The following LEKR1 variants were observed in gnomAD, a reference collection of about 807,000 sequenced individuals.
LEKR1 encodes the protein protein LEKR1.
In LEKR1, 59 loss-of-function variants were observed where a neutral mutation model predicts 72.4. The ratio of observed to expected loss-of-function variants is 0.82; its 90% CI spans 0.66 to 1.01. The LOEUF is 1.01. Ranked by LOEUF, LEKR1 falls within the 50% of genes least tolerant of loss-of-function variation. The pLI is 0.00. For missense variants in LEKR1, 728 were observed against 759.2 expected (o/e 0.96, Z 0.48); for synonymous variants, 257 against 263.2 (o/e 0.98, Z 0.23).
chr3:157,006,054 G>A (rs1043607561), intron 9 of LEKR1, among the ~76,000 whole-genome samples: 2 of 150,626 alleles, frequency 1.3e-5, no homozygotes, highest in East Asian at 1.9e-4. Context: ...GCCGGACTGC[G>A]GACTGCAGTG....
chr3:156,867,216 G>A (rs1489097664), intron 3 of LEKR1, among the ~76,000 whole-genome samples: 1 of 152,058 alleles, frequency 6.6e-6, no homozygotes, highest in Non-Finnish European at 1.5e-5. Flanking sequence ...ATAATTCTCT[G>A]CTGAGATAGC....
chr3:156,957,767 A>T (rs1378206534), intron 6 of LEKR1, among the ~76,000 whole-genome samples: 1 of 151,868 alleles, frequency 6.6e-6, no homozygotes, highest in African/African-American at 2.4e-5. Flanking sequence ...AGCTATTTTT[A>T]TTTATTTATT....
At chr3:156,835,353 G>A (rs1712964765) in intron 2 of LEKR1, among the ~76,000 whole-genome samples, 1 of 152,210 alleles carries the variant, frequency 6.6e-6, no homozygotes, top group African/African-American at 2.4e-5. Context: ...GCTTCAGGGT[G>A]GAGCCCTTCA....
chr3:156,893,665 G>A (rs1720891006), intron 3 of LEKR1, among the ~76,000 whole-genome samples: 1 of 152,104 alleles, frequency 6.6e-6, no homozygotes, highest in Non-Finnish European at 1.5e-5. Context: ...CTTTCGCCTT[G>A]ACTGTAAGTT....
At chr3:157,036,349 CT>C (rs1734967629) in intron 12 of LEKR1, among the ~76,000 whole-genome samples, 1 of 151,432 alleles carries the variant, frequency 6.6e-6, no homozygotes, top group Non-Finnish European at 1.5e-5. Context: ...GTGAAATCTC[CT>C]AGAAAGTAGA....
chr3:157,015,016 A>C (rs901489202), intron 10 of LEKR1, among the ~76,000 whole-genome samples: 13 of 152,180 alleles, frequency 8.5e-5, no homozygotes, highest in African/African-American at 3.1e-4. Context: ...AAACGATAGA[A>C]AACAATTGTT....
At chr3:156,846,823 A>G (rs545131139) in intron 2 of LEKR1, among the ~76,000 whole-genome samples, 2 of 152,174 alleles carry the variant, frequency 1.3e-5, no homozygotes, top group African/African-American at 4.8e-5. Context: ...GTATGTATTT[A>G]TTTATTTGAA....
At chr3:157,041,825 A>G (rs1735366142) in intron 12 of LEKR1, among the ~76,000 whole-genome samples, 2 of 152,228 alleles carry the variant, frequency 1.3e-5, no homozygotes, top group African/African-American at 2.4e-5. Context: ...TTGCTCAGTG[A>G]AAACACATTA....
intron 10 of LEKR1, among the ~76,000 whole-genome samples, chr3:157,020,532 G>T (rs1182091084): frequency 6.8e-6 from 1 of 146,356 alleles, no homozygotes; most frequent in Non-Finnish European, 1.5e-5. Flanking sequence ...CGCGGTGTTT[G>T]GTTTTTTGTC....
At chr3:156,897,126 G>A (rs887032013) in intron 3 of LEKR1, among the ~76,000 whole-genome samples, 2 of 152,176 alleles carry the variant, frequency 1.3e-5, no homozygotes, top group East Asian at 1.9e-4. Context: ...TGATGAAATA[G>A]TTTGCACACC....
intron 3 of LEKR1, among the ~76,000 whole-genome samples, chr3:156,919,598 T>C (rs1576823381): frequency 6.6e-6 from 1 of 152,202 alleles, no homozygotes; most frequent in Non-Finnish European, 1.5e-5. Context: ...TTTGATTATA[T>C]GTGATAAAAA....
At chr3:156,836,018 C>A (rs945102268) in intron 2 of LEKR1, among the ~76,000 whole-genome samples, 1 of 151,634 alleles carries the variant, frequency 6.6e-6, no homozygotes, top group Non-Finnish European at 1.5e-5. Flanking sequence ...GGATTACAGG[C>A]ATGTACCACC....
chr3:157,017,948 C>CAAAAAAAAAAAAAAAAAAAAAAAAAA (rs58950224), intron 10 of LEKR1, among the ~76,000 whole-genome samples: 2 of 82,974 alleles, frequency 2.4e-5, no homozygotes, highest in African/African-American at 1.4e-4. Context: ...GACTCTGTCT[C>CAAAAAAAAAAAAAAAAAAAAAAAAAA]AAAAAAAAAA....
chr3:156,830,036 CACAG>C (rs1195034023), intron 2 of LEKR1, among the ~76,000 whole-genome samples: 4 of 152,104 alleles, frequency 2.6e-5, no homozygotes, highest in South Asian at 2.1e-4. Context: ...AACTTATGCA[CACAG>C]ACACTTAAGA....
intron 10 of LEKR1, among the ~76,000 whole-genome samples, chr3:157,018,707 A>C (rs1226708045): frequency 6.6e-6 from 1 of 152,176 alleles, no homozygotes; most frequent in African/African-American, 2.4e-5. Context: ...TAGTTGCTCT[A>C]TGATCTTGGT....
At chr3:156,870,421 A>C (rs549953859) in intron 3 of LEKR1, among the ~76,000 whole-genome samples, 1 of 151,906 alleles carries the variant, frequency 6.6e-6, no homozygotes, top group African/African-American at 2.4e-5. Context: ...CTCCTTGGTT[A>C]AATTTATTTT....
intron 3 of LEKR1, among the ~76,000 whole-genome samples, chr3:156,905,171 C>T (rs764502747): frequency 2.0e-4 from 30 of 152,018 alleles, no homozygotes; most frequent in Non-Finnish European, 4.1e-4. Context: ...TATTGAACTC[C>T]CTTACCTGTT....
intron 3 of LEKR1, among the ~76,000 whole-genome samples, chr3:156,880,994 G>T (rs1346256286): frequency 1.3e-5 from 2 of 152,104 alleles, no homozygotes; most frequent in African/African-American, 4.8e-5. Flanking sequence ...TTGATGGGAC[G>T]TATCTCAAAA....
intron 6 of LEKR1, chr3:156,977,538 A>C (rs1729802974): frequency 8.3e-6 from 3 of 363,024 alleles, no homozygotes. Flanking sequence ...TTACTGATGG[A>C]ATTGGTGGAT....
Sources: gnomAD v4.1 joint callset for allele counts (sites outside exome capture counted in the v4.1 genomes callset) on GRCh38, gnomAD v4.1.1 for gene constraint, MANE v1.5 for transcripts, NCBI Gene and HGNC (gene_info 2026-07-23, HGNC 2026-07-21) for gene names.